CAMSAP1: variants seen among roughly 807,000 people sequenced by gnomAD.
CAMSAP1 encodes calmodulin regulated spectrin associated protein 1.
CAMSAP1 carries 58 observed loss-of-function variants against 143.5 expected under a neutral mutation model. The observed-to-expected ratio is 0.40, with a 90% CI of 0.33 to 0.50. The LOEUF is 0.50. CAMSAP1 is among the 20% of genes least tolerant of loss of function. The pLI, the probability that CAMSAP1 is intolerant of heterozygous loss-of-function variation, is 0.45. For synonymous variants in CAMSAP1, 945 were observed against 859.3 expected, an observed-to-expected ratio of 1.10 and a Z score of -1.74; for missense variants, 1,969 against 2,115.7, an observed-to-expected ratio of 0.93 and a Z score of 1.36.
rs767616475 is a variant in CAMSAP1 at position 135,821,291 on chromosome 9, T to G, written c.3370A>C (p.Thr1124Pro). 1 of 1,611,458 alleles carries G rather than the reference T, an allele frequency of 6.2e-7. No individual in the cohort carries two copies. The highest frequency in any genetic ancestry group is 2.2e-5 in the East Asian group (1 of 44,872). ...TGCGGGAGCGTCTCTACACTGGGCG[T>G]TGGGGTTTTACTTCGGGAGGAGCCC... ...PQGSSRSKTP[T>P]PSVETLPHLR... The change falls in exon 11 of 17, where the codon ACG (threonine) becomes CCG (proline). Residue 1124 changes from threonine (T) to proline (P), a missense_variant. Coordinates refer to ENST00000389532, the MANE Select transcript of CAMSAP1 (RefSeq NM_015447.4). This position sits in a 1 kb window ranked among gnomAD's most constrained non-coding sequence, Gnocchi z 4.6.
intron 5 of CAMSAP1, among the ~76,000 whole-genome samples, chr9:135,852,890 C>G (rs566098700): frequency 3.3e-4 from 51 of 152,268 alleles, no homozygotes; most frequent in Non-Finnish European, 6.0e-4. Context: ...TAAACAAACA[C>G]ATGAATAAAG....
chr9:135,840,554 A>C (rs930008840), intron 7 of CAMSAP1, among the ~76,000 whole-genome samples: 3 of 152,206 alleles, frequency 2.0e-5, no homozygotes, highest in African/African-American at 7.2e-5. Flanking sequence ...TATCATGAAA[A>C]GGGTGAAGAA....
intron 1 of CAMSAP1, among the ~76,000 whole-genome samples, chr9:135,900,765 T>C (rs769066442): frequency 1.1e-4 from 17 of 151,840 alleles, no homozygotes; most frequent in Admixed American, 5.9e-4. Flanking sequence ...AAGATCTTTC[T>C]TTTCTTTGAG....
chr9:135,868,501 T>C (rs1306958951), intron 3 of CAMSAP1, among the ~76,000 whole-genome samples: 2 of 151,702 alleles, frequency 1.3e-5, no homozygotes, highest in African/African-American at 4.8e-5. Flanking sequence ...TTTTTTCCAG[T>C]AATAAAATTT....
chr9:135,906,645 C>T (rs1838786526), intron 1 of CAMSAP1, among the ~76,000 whole-genome samples: 1 of 152,236 alleles, frequency 6.6e-6, no homozygotes, highest in Non-Finnish European at 1.5e-5. Context: ...GAAGCGGCGC[C>T]TCAGACGGCG....
At chr9:135,866,629 A>AT in intron 3 of CAMSAP1, 93 bp from the exon 4 acceptor site, 1 of 684,386 alleles carries the variant, frequency 1.5e-6, no homozygotes, top group South Asian at 1.6e-5. Flanking sequence ...ACTTCACCTG[A>AT]TTCACCTCTG....
chr9:135,813,516 T>C (rs1387394146), intron 16 of CAMSAP1, among the ~76,000 whole-genome samples: 2 of 152,226 alleles, frequency 1.3e-5, no homozygotes, highest in East Asian at 3.8e-4. Context: ...ACATTTAATT[T>C]GTAGCGACAG....
At chr9:135,849,918 T>C (rs572582745) in intron 7 of CAMSAP1, 221 of 425,418 alleles carry the variant, frequency 5.2e-4, no homozygotes, top group Non-Finnish European at 7.9e-4. Context: ...ACTTTTAGAG[T>C]TGTGCAATTT....
At chr9:135,869,394 T>C (rs1837492300) in intron 3 of CAMSAP1, among the ~76,000 whole-genome samples, 1 of 151,856 alleles carries the variant, frequency 6.6e-6, no homozygotes. Flanking sequence ...TCCTAGCTAC[T>C]TGAGAGGCTG....
chr9:135,820,993 A>G lies in CAMSAP1; in HGVS notation c.3668T>C (p.Val1223Ala). ...GGCCCTGCTCCTCAGAGGCTCCTCC[A>G]CGGGGACGCTCTCTTTTCCCGAGAC... ...SDVSGKESVP[V>A]EEPLRSRASL... is the part of the protein sequence containing the mutation. Residue 1223 changes from valine (V) to alanine (A), a missense_variant, in exon 11 of 17, where the codon GTG becomes GCG. Val to Ala is a moderately conservative substitution (Grantham distance 64, BLOSUM62 0). Coordinates refer to ENST00000389532, the MANE Select transcript of CAMSAP1 (RefSeq NM_015447.4). The surrounding 1 kb of genome is among the most constrained non-coding windows in gnomAD (Gnocchi z 4.4). 1 of 1,612,756 alleles carries G rather than the reference A, an allele frequency of 6.2e-7. No homozygotes were observed. Among genetic ancestry groups the G allele is most frequent in the Non-Finnish European group, 8.5e-7 (1 of 1,179,058 alleles).
intron 4 of CAMSAP1, among the ~76,000 whole-genome samples, chr9:135,865,974 A>C (rs1837364789): frequency 6.6e-6 from 1 of 152,198 alleles, no homozygotes; most frequent in Non-Finnish European, 1.5e-5. Flanking sequence ...AAAAAGGCTA[A>C]TGGCTGGAAG....
chr9:135,814,812 G>T (rs1340358922), intron 16 of CAMSAP1, among the ~76,000 whole-genome samples: 1 of 152,150 alleles, frequency 6.6e-6, no homozygotes, highest in African/African-American at 2.4e-5. Flanking sequence ...CTATCTCACT[G>T]AGTAGAACTA....
At chr9:135,895,849 G>A (rs145924015) in intron 1 of CAMSAP1, among the ~76,000 whole-genome samples, 72 of 152,198 alleles carry the variant, frequency 4.7e-4, no homozygotes, top group African/African-American at 1.5e-3. Context: ...TAAGTATACC[G>A]TAATACCCAG....
intron 1 of CAMSAP1, among the ~76,000 whole-genome samples, chr9:135,883,907 C>T (rs1459724262): frequency 2.6e-5 from 4 of 152,288 alleles, no homozygotes; most frequent in East Asian, 1.9e-4. Flanking sequence ...CAACATACGC[C>T]GCCTCCCACA....
rs997508857 is a variant in CAMSAP1, at chr9:135,842,754, G to A, written c.1045+7383C>T. On this transcript the variant is annotated intron_variant, in intron 7 of 16. Coordinates refer to ENST00000389532, the MANE Select transcript of CAMSAP1 (RefSeq NM_015447.4). ...TCCAGCCAAACTAAGCTTCATAAGC[G>A]AAGGAGAAACAAAATCCTTTACAGA... Among the ~76,000 whole-genome samples the A allele has an allele frequency of 1.6e-4, 25 of 152,262 alleles. 1 individual carries two copies. Among genetic ancestry groups the A allele is most frequent in the Admixed American group, 3.3e-4 (5 of 15,284 alleles).
intron 1 of CAMSAP1, among the ~76,000 whole-genome samples, chr9:135,904,880 G>A (rs368074852): frequency 5.9e-5 from 9 of 151,912 alleles, no homozygotes; most frequent in African/African-American, 2.2e-4. Flanking sequence ...CAGAAGAATC[G>A]CTTGAACCCA....
intron 3 of CAMSAP1, among the ~76,000 whole-genome samples, chr9:135,877,617 G>A (rs1304334324): frequency 1.3e-5 from 2 of 152,054 alleles, no homozygotes; most frequent in Non-Finnish European, 2.9e-5. Flanking sequence ...ACTAGCCTGG[G>A]CAGTATAGTA....
intron 3 of CAMSAP1, among the ~76,000 whole-genome samples, chr9:135,878,436 T>C (rs956394568): frequency 6.6e-6 from 1 of 152,186 alleles, no homozygotes; most frequent in African/African-American, 2.4e-5. Flanking sequence ...TGCACTCAAA[T>C]GCACCTGCGC....
intron 4 of CAMSAP1, among the ~76,000 whole-genome samples, chr9:135,864,107 C>G (rs1837290113): frequency 6.6e-6 from 1 of 152,184 alleles, no homozygotes; most frequent in Non-Finnish European, 1.5e-5. Flanking sequence ...ATTTACTGAA[C>G]ACTGGGGTCG....
Sources: gnomAD v4.1 joint callset for allele counts (sites outside exome capture counted in the v4.1 genomes callset) on GRCh38, gnomAD v4.1.1 for gene constraint, Gnocchi (gnomAD v3.1) non-coding constraint, MANE v1.5 for transcripts, NCBI Gene and HGNC (gene_info 2026-07-23, HGNC 2026-07-21) for gene names.